SLC24A2: variants seen among roughly 807,000 people sequenced by gnomAD.
The protein encoded by SLC24A2 is sodium/potassium/calcium exchanger 2.
A neutral mutation model predicts 62.0 loss-of-function variants in SLC24A2; 36 were observed. The ratio of observed to expected loss-of-function variants is 0.58; its 90% CI spans 0.44 to 0.77. The LOEUF is 0.77. SLC24A2 is among the 30% of genes least tolerant of loss of function. SLC24A2 has a pLI of 0.00. For synonymous variants in SLC24A2, 358 were observed against 294.0 expected (o/e 1.22, Z -2.23); for missense variants, 846 against 817.9 (o/e 1.03, Z -0.42).
intron 2 of SLC24A2, among the ~76,000 whole-genome samples, chr9:19,703,762 G>A (rs1489499679): frequency 1.3e-5 from 2 of 152,080 alleles, no homozygotes; most frequent in Non-Finnish European, 2.9e-5. Context: ...AGGGGAAAAT[G>A]CACATATATG....
At chr9:19,776,880 C>A (rs1273649051) in intron 2 of SLC24A2, among the ~76,000 whole-genome samples, 1 of 152,176 alleles carries the variant, frequency 6.6e-6, no homozygotes, top group Non-Finnish European at 1.5e-5. Context: ...TGTTAGGTCA[C>A]TGAGGGTGAA....
chr9:19,574,921 A>G (rs1835962349), intron 6 of SLC24A2, among the ~76,000 whole-genome samples: 1 of 152,208 alleles, frequency 6.6e-6, no homozygotes, highest in Non-Finnish European at 1.5e-5. Flanking sequence ...CATCATTGTC[A>G]GATCCGAGCA....
chr9:20,225,576 T>TATATATTATATATATATTATATATATAA, the SLC24A2 span, among the ~76,000 whole-genome samples: 1 of 126,444 alleles, frequency 7.9e-6, no homozygotes, highest in Non-Finnish European at 1.5e-5. Flanking sequence ...ATATATATAA[T>TATATATTATATATATATTATATATATAA]TTCATTTAAA....
the SLC24A2 span, among the ~76,000 whole-genome samples, chr9:20,157,879 C>A: frequency 6.6e-6 from 1 of 151,520 alleles, no homozygotes; most frequent in Non-Finnish European, 1.5e-5. Context: ...ACCCTTAAAA[C>A]TAGAAATCCT....
At chr9:20,171,276 A>G in the SLC24A2 span, among the ~76,000 whole-genome samples, 3 of 150,466 alleles carry the variant, frequency 2.0e-5, no homozygotes, top group African/African-American at 7.3e-5. Context: ...TTTAAGCATA[A>G]ATCTCACAGG....
the SLC24A2 span, among the ~76,000 whole-genome samples, chr9:19,866,592 G>A: frequency 6.9e-6 from 1 of 145,474 alleles, no homozygotes; most frequent in Non-Finnish European, 1.5e-5. Context: ...GGTGAAATAA[G>A]CCAGGCACAA....
chr9:20,088,608 A>T, the SLC24A2 span, among the ~76,000 whole-genome samples: 2 of 152,292 alleles, frequency 1.3e-5, no homozygotes, highest in South Asian at 4.1e-4. Context: ...GCTGTTTTGC[A>T]TCCTTAGCTG....
chr9:19,524,566 A>G (rs1462246109), intron 9 of SLC24A2, among the ~76,000 whole-genome samples: 1 of 152,230 alleles, frequency 6.6e-6, no homozygotes, highest in Non-Finnish European at 1.5e-5. Context: ...TATAACTGCT[A>G]TGGATTTTAT....
the SLC24A2 span, among the ~76,000 whole-genome samples, chr9:20,034,617 C>T: frequency 1.3e-5 from 2 of 152,090 alleles, no homozygotes; most frequent in Non-Finnish European, 2.9e-5. Context: ...CAGTGGCCCG[C>T]CACTATGCCC....
the SLC24A2 span, among the ~76,000 whole-genome samples, chr9:19,795,490 G>A: frequency 3.9e-5 from 6 of 152,124 alleles, no homozygotes; most frequent in African/African-American, 1.4e-4. Context: ...TTGAAAAACT[G>A]TAAATCTTTC....
the SLC24A2 span, among the ~76,000 whole-genome samples, chr9:20,144,632 A>C: frequency 6.6e-6 from 1 of 152,178 alleles, no homozygotes; most frequent in South Asian, 2.1e-4. Context: ...TAGTGGGTGC[A>C]GGCATCCCCC....
At chr9:20,000,009 C>A in the SLC24A2 span, among the ~76,000 whole-genome samples, 23 of 152,258 alleles carry the variant, frequency 1.5e-4, 1 homozygote, top group East Asian at 2.5e-3. Flanking sequence ...TGGGGTTACA[C>A]AGACCTGTGC....
chr9:20,229,978 G>A, the SLC24A2 span, among the ~76,000 whole-genome samples: 1 of 149,570 alleles, frequency 6.7e-6, no homozygotes, highest in Non-Finnish European at 1.5e-5. Flanking sequence ...GTGAGAACAT[G>A]TGGTGTTTGG....
At chr9:19,959,185 A>G in the SLC24A2 span, among the ~76,000 whole-genome samples, 1 of 152,186 alleles carries the variant, frequency 6.6e-6, no homozygotes, top group Non-Finnish European at 1.5e-5. Flanking sequence ...GTGATGAGGG[A>G]GAAGGTGGGA....
the SLC24A2 span, among the ~76,000 whole-genome samples, chr9:20,192,067 A>G: frequency 1.3e-5 from 2 of 152,192 alleles, no homozygotes; most frequent in Non-Finnish European, 2.9e-5. Flanking sequence ...AAGTGTGAAT[A>G]TCCTAATTTT....
At chr9:19,778,979 T>C (rs181843645) in intron 2 of SLC24A2, among the ~76,000 whole-genome samples, 242 of 152,252 alleles carry the variant, frequency 1.6e-3, no homozygotes, top group African/African-American at 5.7e-3. Context: ...AAGAGCCACA[T>C]AAGACTTGTA....
At chr9:19,861,597 T>C in the SLC24A2 span, among the ~76,000 whole-genome samples, 1 of 152,108 alleles carries the variant, frequency 6.6e-6, no homozygotes, top group Non-Finnish European at 1.5e-5. Context: ...TAATGCACCA[T>C]GGATCAATCC....
the SLC24A2 span, among the ~76,000 whole-genome samples, chr9:20,182,508 C>T: frequency 6.6e-6 from 1 of 152,124 alleles, no homozygotes; most frequent in African/African-American, 2.4e-5. Flanking sequence ...AGCTGGAAAC[C>T]ATCATTCTCA....
chr9:20,088,812 C>T, the SLC24A2 span, among the ~76,000 whole-genome samples: 1 of 151,522 alleles, frequency 6.6e-6, no homozygotes, highest in Admixed American at 6.6e-5. Context: ...TTTGGGCCAG[C>T]AACAAGTCTG....
Sources: allele counts gnomAD v4.1 joint callset (sites outside exome capture counted in the v4.1 genomes callset), GRCh38; gene constraint gnomAD v4.1.1; transcripts MANE v1.5; gene names NCBI Gene and HGNC (gene_info 2026-07-23, HGNC 2026-07-21).